The following ELFN1 variants were observed in gnomAD, a reference collection of about 807,000 sequenced individuals.
ELFN1 encodes the protein protein ELFN1.
ELFN1 carries 6 observed loss-of-function variants against 7.6 expected under a neutral mutation model. That is an observed-to-expected ratio of 0.79 (90% confidence interval 0.43 to 1.56). The LOEUF (loss-of-function observed/expected upper bound fraction) is 1.56, where lower values mean the gene tolerates loss of function less well. Among genes scored for constraint, ELFN1 ranks in the 40% most tolerant of loss-of-function variants. The pLI is 0.01. For missense variants in ELFN1, 1,169 were observed against 1,232.2 expected, an observed-to-expected ratio of 0.95 and a Z score of 0.77; for synonymous variants, 657 against 588.1, an observed-to-expected ratio of 1.12 and a Z score of -1.70.
Position 1,744,702 on chromosome 7 carries a change from A to G in ELFN1, c.106A>G (p.Lys36Glu). The G allele has an allele frequency of 6.4e-7, 1 of 1,551,570 alleles. No individual in the cohort carries two copies. The highest frequency in any genetic ancestry group is 8.7e-7 in the Non-Finnish European group (1 of 1,147,000). Reference sequence around the variant, plus strand: ...AGACTGCTGGCTGATCGAGGGCGACAAGGGCTTCGTGTGGCTGGCCATCTG... The same window carrying G: ...AGACTGCTGGCTGATCGAGGGCGACGAGGGCTTCGTGTGGCTGGCCATCTG... ...RADCWLIEGD[K>E]GFVWLAICSQ... The change falls in exon 4 of 4, where the codon AAG (lysine) becomes GAG (glutamate). Residue 36 changes from lysine to glutamate, a missense_variant. By Grantham distance (56) the Lys-to-Glu change is moderately conservative. Around this residue, in one of 2 missense-constraint regions of ELFN1, gnomAD observed 255 missense variants for 359.6 expected, o/e 0.71. Transcript: ENST00000424383.
upstream of ELFN1, among the ~76,000 whole-genome samples, chr7:1,667,467 G>A (rs1483574573): frequency 2.0e-5 from 3 of 152,142 alleles, no homozygotes; most frequent in African/African-American, 7.2e-5. This position sits in a 1 kb window ranked among gnomAD's most constrained non-coding sequence, Gnocchi z 8.2. Context: ...GCGTGTGCAG[G>A]GAGGAAGCAG....
At chr7:1,720,244 A>C (rs1017492723) in intron 3 of ELFN1, among the ~76,000 whole-genome samples, 3 of 152,204 alleles carry the variant, frequency 2.0e-5, no homozygotes, top group African/African-American at 7.2e-5. Context: ...GATGGAGTCC[A>C]CGGCCTCTGC....
intron 3 of ELFN1, among the ~76,000 whole-genome samples, chr7:1,725,327 G>A (rs1271607475): frequency 1.3e-5 from 2 of 152,218 alleles, no homozygotes; most frequent in Non-Finnish European, 2.9e-5. Context: ...GCAGCTGGCG[G>A]GGGCCCTGGT....
chr7:1,674,957 G>T (rs1051550510), intron 1 of ELFN1, among the ~76,000 whole-genome samples: 5 of 152,154 alleles, frequency 3.3e-5, no homozygotes, highest in African/African-American at 1.2e-4. Flanking sequence ...GCGCAGACAG[G>T]GCAGTGGCCG....
At chr7:1,696,064 A>G (rs1321738644) in intron 2 of ELFN1, among the ~76,000 whole-genome samples, 3 of 152,158 alleles carry the variant, frequency 2.0e-5, no homozygotes, top group Non-Finnish European at 4.4e-5. Flanking sequence ...CCGCCCTGAG[A>G]CTGGAAGTCT....
chr7:1,746,038 C>G lies in ELFN1; in HGVS notation c.1442C>G (p.Ala481Gly). Residue 481 changes from alanine to glycine, a missense_variant, in exon 4 of 4, where the codon GCC becomes GGC. Ala to Gly is a moderately conservative substitution (Grantham distance 60). This residue lies in a region of ELFN1 where 914 missense variants were observed against 872.6 expected (regional missense o/e 1.05). Transcript: ENST00000424383. The part of the protein sequence containing the change: ...YGPELEAPGL[A>G]PLSQGPLLGP... ...CCAGAGCTGGAGGCGCCCGGCCTGG[C>G]CCCGCTGTCCCAGGGCCCGCTGCTG... 6.5e-7 allele frequency: 1 copy of G among 1,546,052 alleles called. No individual in the cohort carries two copies. Among genetic ancestry groups the G allele is most frequent in the Non-Finnish European group, 8.7e-7 (1 of 1,144,544 alleles).
At chr7:1,733,435 C>G (rs776983395) in intron 3 of ELFN1, among the ~76,000 whole-genome samples, 17 of 152,164 alleles carry the variant, frequency 1.1e-4, no homozygotes, top group Admixed American at 2.0e-4. Flanking sequence ...CAGGAGGAGC[C>G]CTGGGCGGTA....
At chr7:1,724,099 C>T (rs9886168) in intron 3 of ELFN1, among the ~76,000 whole-genome samples, 1 of 152,118 alleles carries the variant, frequency 6.6e-6, no homozygotes, top group East Asian at 1.9e-4. Flanking sequence ...ACATGTCTGC[C>T]CCTCGTCTGT....
At chr7:1,689,162 G>C (rs1439895988) in intron 2 of ELFN1, among the ~76,000 whole-genome samples, 1 of 152,176 alleles carries the variant, frequency 6.6e-6, no homozygotes, top group African/African-American at 2.4e-5. Context: ...TTCAAGTTGT[G>C]ATGCTTATAG....
At chr7:1,671,514 G>A (rs1778766967) in intron 1 of ELFN1, among the ~76,000 whole-genome samples, 1 of 152,216 alleles carries the variant, frequency 6.6e-6, no homozygotes, top group African/African-American at 2.4e-5. Flanking sequence ...CAGAAGCTGT[G>A]GAGGGACCGG....
intron 2 of ELFN1, among the ~76,000 whole-genome samples, chr7:1,702,150 T>C (rs552978543): frequency 3.3e-5 from 5 of 152,154 alleles, no homozygotes; most frequent in South Asian, 4.1e-4. Context: ...CTCGGCCGGG[T>C]GCAGTGGCTC....
chr7:1,675,680 C>T (rs186232686), intron 1 of ELFN1, among the ~76,000 whole-genome samples: 10 of 152,344 alleles, frequency 6.6e-5, no homozygotes, highest in South Asian at 2.1e-4. Flanking sequence ...GACCCTCGGC[C>T]GGTGCGCAGG....
intron 3 of ELFN1, among the ~76,000 whole-genome samples, chr7:1,725,791 G>A (rs955577727): frequency 2.0e-5 from 3 of 152,014 alleles, no homozygotes; most frequent in East Asian, 1.9e-4. Context: ...CCACACATGC[G>A]CACACACACA....
At chr7:1,677,958 C>T (rs189238816) in intron 1 of ELFN1, among the ~76,000 whole-genome samples, 9 of 152,092 alleles carry the variant, frequency 5.9e-5, no homozygotes, top group East Asian at 3.9e-4. Context: ...GACAGACATC[C>T]GGGCTTATTT....
At chr7:1,702,605 G>A (rs1443247340) in intron 2 of ELFN1, among the ~76,000 whole-genome samples, 3 of 151,026 alleles carry the variant, frequency 2.0e-5, no homozygotes, top group Non-Finnish European at 4.4e-5. Flanking sequence ...TTAATTTGAA[G>A]ACTGTTGATG....
chr7:1,680,539 G>A (rs749557676), intron 1 of ELFN1, among the ~76,000 whole-genome samples: 2 of 152,070 alleles, frequency 1.3e-5, no homozygotes, highest in South Asian at 2.1e-4. Context: ...CATCCTGTGC[G>A]CCGACACCGT....
At chr7:1,710,923 C>T (rs1458866564) in intron 3 of ELFN1, among the ~76,000 whole-genome samples, 2 of 152,214 alleles carry the variant, frequency 1.3e-5, no homozygotes, top group East Asian at 1.9e-4. Context: ...GGAAGGGACT[C>T]ACTCCTGAGA....
chr7:1,725,086 G>T (rs1250451793), intron 3 of ELFN1, among the ~76,000 whole-genome samples: 2 of 152,242 alleles, frequency 1.3e-5, no homozygotes, highest in African/African-American at 4.8e-5. Context: ...CCTGAGCAAG[G>T]TTGGGCTGGG....
upstream of ELFN1, among the ~76,000 whole-genome samples, chr7:1,666,734 C>G (rs921060475): frequency 1.3e-5 from 2 of 151,866 alleles, no homozygotes; most frequent in Non-Finnish European, 2.9e-5. This position sits in a 1 kb window ranked among gnomAD's most constrained non-coding sequence, Gnocchi z 7.9. Context: ...GAAACCTGGT[C>G]TCGGAGTCGG....
Sources: allele counts gnomAD v4.1 joint callset (sites outside exome capture counted in the v4.1 genomes callset), GRCh38; gene constraint gnomAD v4.1.1; regional missense constraint gnomAD v4.1.1; non-coding constraint Gnocchi (gnomAD v3.1); transcripts MANE v1.5; gene names NCBI Gene and HGNC (gene_info 2026-07-23, HGNC 2026-07-21).